The following MANSC1 variants were observed in gnomAD, a reference collection of about 807,000 sequenced individuals.
MANSC1 encodes the protein MANSC domain-containing protein 1.
In MANSC1, 13 loss-of-function variants were observed where a neutral mutation model predicts 14.1. That is an observed-to-expected ratio of 0.92 (90% CI 0.60 to 1.46). The LOEUF (loss-of-function observed/expected upper bound fraction) is 1.46, where lower values mean the gene tolerates loss of function less well. Among genes scored for constraint, MANSC1 ranks in the 40% most tolerant of loss-of-function variants. The pLI is 0.00. For synonymous variants in MANSC1, 227 were observed against 200.7 expected (o/e 1.13, Z -1.11); for missense variants, 486 against 511.4 (o/e 0.95, Z 0.48).
At position 12,328,525 on chromosome 12, in the gene MANSC1, G is replaced by A. The variant is rs994392056; in HGVS notation, c.*1502C>T. Reference sequence around the variant, plus strand: ...CCCATCTCGGCCTCCCAAAGTGCTGGGATTACAGGCGTGAGCCACCGCGCC... The same window carrying A: ...CCCATCTCGGCCTCCCAAAGTGCTGAGATTACAGGCGTGAGCCACCGCGCC... On this transcript the variant is annotated 3_prime_UTR_variant, in exon 4 of 4. Transcript: ENST00000535902. 6.6e-6 allele frequency: 1 copy of A among 151,118 alleles called. No homozygotes were observed. The highest frequency in any genetic ancestry group is 1.5e-5 in the Non-Finnish European group (1 of 67,886). The allele number at this position is 151,118 out of a possible 1,614,324, so 9.4% of individuals were successfully genotyped here.
At chr12:12,348,717 C>CAAAAA (rs58073340) in intron 1 of MANSC1, among the ~76,000 whole-genome samples, 10 of 135,018 alleles carry the variant, frequency 7.4e-5, no homozygotes, top group African/African-American at 2.3e-4. Context: ...AAGGTAAAAC[C>CAAAAA]AAAAAAAAAA....
chr12:12,331,392 C>G (rs12818821), intron 3 of MANSC1, among the ~76,000 whole-genome samples: 1 of 151,872 alleles, frequency 6.6e-6, no homozygotes, highest in African/African-American at 2.4e-5. Flanking sequence ...GCAGAGAAGC[C>G]GGAGGGGCTC....
In MANSC1 at chr12:12,327,549, A is replaced by G. The variant is rs192949311; in HGVS notation, c.*2478T>C. On this transcript the variant is annotated 3_prime_UTR_variant, in exon 4 of 4. Transcript: ENST00000535902. ...CAGAGAACTCCAAGAGAGCCAGGAAAATACCTTTATAAACCATCACAGAAA... is the reference window on the plus strand; with the variant it reads ...CAGAGAACTCCAAGAGAGCCAGGAAGATACCTTTATAAACCATCACAGAAA... The G allele has an allele frequency of 1.3e-5, 2 of 152,322 alleles. No homozygotes were observed. The highest frequency in any genetic ancestry group is 3.9e-4 in the East Asian group (2 of 5,184). 9.4% of individuals were successfully genotyped at this position (152,322 alleles called of 1,614,324 possible).
In MANSC1 at chr12:12,330,642, T is replaced by G. The variant is rs1862774112; in HGVS notation, c.681A>C (p.Pro227=). ...GTGGAGAAGCAACTGCCACCGTAGC[T>G]GGGAGCGCACTCACATTTTCAGGCA... ...HLLPENVSAL[P]ATVAVASPHT... The change falls in exon 4 of 4, where the codon CCA becomes CCC. Residue 227 remains proline (P), a synonymous_variant. Transcript: ENST00000535902. The G allele has an allele frequency of 6.2e-7, 1 of 1,614,174 alleles. No homozygotes were observed. Among genetic ancestry groups the G allele is most frequent in the African/African-American group, 1.3e-5 (1 of 75,048 alleles).
chr12:12,342,909 A>G (rs887499897), intron 2 of MANSC1, among the ~76,000 whole-genome samples, 183 bp downstream of exon 2: 1 of 152,118 alleles, frequency 6.6e-6, no homozygotes, highest in African/African-American at 2.4e-5. Flanking sequence ...ACATACATTC[A>G]TCAATAACTT....
In MANSC1 at chr12:12,328,106, G is replaced by A. The variant is rs1862729294; in HGVS notation, c.*1921C>T. On this transcript the variant is annotated 3_prime_UTR_variant, in exon 4 of 4. Coordinates refer to ENST00000535902, the MANE Select transcript of MANSC1 (RefSeq NM_018050.4). ...CTGTTTTGCAGATAAGCAAATTGAA[G>A]TCCAGAGGAAAGAGGTATCAAACTG... 1 of 152,168 alleles carries A rather than the reference G, an allele frequency of 6.6e-6. No individual in the cohort carries two copies. The highest frequency in any genetic ancestry group is 2.4e-5 in the African/African-American group (1 of 41,426). 9.4% of individuals were successfully genotyped at this position (152,168 alleles called of 1,614,324 possible). A position where few individuals can be genotyped will look rare whatever the true frequency, so the allele number is the denominator to read the frequency against.
In MANSC1 at chr12:12,326,150, G is replaced by T. The variant is rs571741410; in HGVS notation, c.*3877C>A. Reference sequence around the variant, plus strand: ...TCCTGTCAATTAACCAAGGCATCCCGGAGACTGGACTCTTCCTGTACCCAC... The same window carrying T: ...TCCTGTCAATTAACCAAGGCATCCCTGAGACTGGACTCTTCCTGTACCCAC... On this transcript the variant is annotated 3_prime_UTR_variant, in exon 4 of 4. Coordinates refer to ENST00000535902, the MANE Select transcript of MANSC1 (RefSeq NM_018050.4). 6.6e-6 allele frequency: 1 copy of T among 152,134 alleles called. No individual in the cohort carries two copies. The highest frequency in any genetic ancestry group is 2.4e-5 in the African/African-American group (1 of 41,430). The allele number at this position is 152,134 out of a possible 1,614,324, so 9.4% of individuals were successfully genotyped here.
At position 12,330,223 on chromosome 12, in the gene MANSC1, G is replaced by A. The variant is rs1247422981; in HGVS notation, c.1100C>T (p.Ser367Phe). ...WEGREASPGS[S>F]SQGSVPENQY... Reference sequence around the variant, plus strand: ...ATTTTCTGGAACACTGCCCTGGGAGGAACTGCCTGGACTGGCCTCCCTACC... The same window carrying A: ...ATTTTCTGGAACACTGCCCTGGGAGAAACTGCCTGGACTGGCCTCCCTACC... Residue 367 changes from serine to phenylalanine, a missense_variant, in exon 4 of 4, where the codon TCC becomes TTC. Ser to Phe is a radical substitution (Grantham distance 155). Transcript: ENST00000535902. The A allele has an allele frequency of 1.2e-6, 2 of 1,614,194 alleles. No individual in the cohort carries two copies. The highest frequency in any genetic ancestry group is 2.2e-5 in the East Asian group (1 of 44,876).
chr12:12,334,436 A>T (rs1443054231), intron 3 of MANSC1, among the ~76,000 whole-genome samples: 1 of 152,206 alleles, frequency 6.6e-6, no homozygotes, highest in East Asian at 1.9e-4. Context: ...ATTCATCAAC[A>T]TGGACAGATT....
chr12:12,343,447 T>G, intron 1 of MANSC1, 33 bp from the exon 2 acceptor site: 1 of 606,058 alleles, frequency 1.7e-6, no homozygotes, highest in East Asian at 2.8e-5. Context: ...TCAATGAGTT[T>G]TGTTTCTTTA....
intron 1 of MANSC1, among the ~76,000 whole-genome samples, chr12:12,349,780 T>C (rs1863053912): frequency 6.6e-6 from 1 of 152,258 alleles, no homozygotes; most frequent in African/African-American, 2.4e-5. Context: ...GAACATTTTC[T>C]CTTCCTTTGA....
chr12:12,344,521 G>C (rs557800169), intron 1 of MANSC1, among the ~76,000 whole-genome samples: 1 of 150,734 alleles, frequency 6.6e-6, no homozygotes, highest in South Asian at 2.1e-4. Context: ...CCAGGCTGGA[G>C]TGCAGTGGCA....
Position 12,330,114 on chromosome 12 carries a change from G to A in MANSC1, c.1209C>T (p.Leu403=), listed in dbSNP as rs1338199015. ...GTGATTCCGAGAGGATTCTACCCAG[G>A]AGGACGAGGCCTATCACCAGGAACA... ...GVLFLVIGLV[L]LGRILSESLR... Residue 403 remains leucine (L), a synonymous_variant, in exon 4 of 4, where the codon CTC becomes CTT. Transcript: ENST00000535902. The A allele has an allele frequency of 6.2e-7, 1 of 1,614,138 alleles. No individual in the cohort carries two copies. Among genetic ancestry groups the A allele is most frequent in the African/African-American group, 1.3e-5 (1 of 75,036 alleles).
intron 1 of MANSC1, among the ~76,000 whole-genome samples, chr12:12,345,579 T>G (rs532512280): frequency 6.6e-6 from 1 of 152,312 alleles, no homozygotes; most frequent in East Asian, 1.9e-4. Flanking sequence ...GAGATGCTGG[T>G]TCTTTTAGGA....
Position 12,330,638 on chromosome 12 carries a change from T to C in MANSC1, c.685A>G (p.Thr229Ala). 6.2e-7 allele frequency: 1 copy of C among 1,614,196 alleles called. No homozygotes were observed. The highest frequency in any genetic ancestry group is 1.6e-4 in the Middle Eastern group (1 of 6,062). The stretch of plus-strand genomic sequence containing the variant: ...GTATGTGGAGAAGCAACTGCCACCG[T>C]AGCTGGGAGCGCACTCACATTTTCA... ...LPENVSALPATVAVASPHTTS... is the reference protein window; with the variant it reads ...LPENVSALPAAVAVASPHTTS... Residue 229 changes from threonine to alanine, a missense_variant, in exon 4 of 4, where the codon ACG becomes GCG. By Grantham distance (58) the Thr-to-Ala change is moderately conservative. Transcript: ENST00000535902.
intron 3 of MANSC1, among the ~76,000 whole-genome samples, chr12:12,336,417 T>C (rs999519199): frequency 9.9e-5 from 15 of 152,262 alleles, no homozygotes; most frequent in Admixed American, 2.0e-4. Context: ...TATACCGTCC[T>C]GTCTCAATTC....
chr12:12,337,493 G>A (rs539700079), intron 3 of MANSC1, among the ~76,000 whole-genome samples: 49 of 151,888 alleles, frequency 3.2e-4, no homozygotes, highest in Non-Finnish European at 5.9e-4. Context: ...CCCGGGAGGC[G>A]GAGCTTGCAG....
rs879180239 is a variant in MANSC1, at chr12:12,329,886, C to CAA, written c.*139_*140dup. The stretch of plus-strand genomic sequence containing the variant: ...GGGCAACAAAGCAAGACTCTGTCTC[C>CAA]AAAAAAAAAAAAGGAAAGCAGAAGG... On this transcript the variant is annotated 3_prime_UTR_variant, in exon 4 of 4. Coordinates refer to ENST00000535902, the MANE Select transcript of MANSC1 (RefSeq NM_018050.4). 8.2e-4 allele frequency: 508 copies of CAA among 619,528 alleles called. No homozygotes were observed. The highest frequency in any genetic ancestry group is 3.6e-3 in the African/African-American group (182 of 49,982). The allele number at this position is 619,528 out of a possible 1,614,324, so 38.4% of individuals were successfully genotyped here.
In MANSC1 at chr12:12,338,523, T is replaced by TC. The variant is rs1862888807; in HGVS notation, c.260dup (p.Thr89AsnfsTer3). On this transcript the variant is annotated frameshift_variant, in exon 3 of 4. Transcript: ENST00000535902. LOFTEE classifies it high-confidence loss of function. Reference sequence around the variant, plus strand: ...AGCAGTTGGGTTGTCTAGCTGTTTTTCGAGTGTCGAAGATCATCAAGTTAC... The same window carrying TC: ...AGCAGTTGGGTTGTCTAGCTGTTTTTCCGAGTGTCGAAGATCATCAAGTTAC... 6.2e-7 allele frequency: 1 copy of TC among 1,613,638 alleles called. No individual in the cohort carries two copies. The highest frequency in any genetic ancestry group is 8.5e-7 in the Non-Finnish European group (1 of 1,179,912).
Sources: gnomAD v4.1 joint callset for allele counts (sites outside exome capture counted in the v4.1 genomes callset) on GRCh38, gnomAD v4.1.1 for gene constraint, MANE v1.5 for transcripts, NCBI Gene and HGNC (gene_info 2026-07-23, HGNC 2026-07-21) for gene names.